The following ANKRD18A variants were observed in gnomAD, a reference collection of about 807,000 sequenced individuals.
ANKRD18A encodes ankyrin repeat domain-containing protein 18A.
ANKRD18A carries 72 observed loss-of-function variants against 110.6 expected under a neutral mutation model. That is an observed-to-expected ratio of 0.65 (90% CI 0.54 to 0.79). The LOEUF (loss-of-function observed/expected upper bound fraction) is 0.79. Among genes scored for constraint, ANKRD18A ranks in the 30% least tolerant of loss-of-function variants. The pLI is 0.00. For missense variants in ANKRD18A, 934 were observed against 1,163.3 expected (o/e 0.80, Z 2.87); for synonymous variants, 305 against 410.3 (o/e 0.74, Z 3.10).
At chr9:38,582,213 C>T (rs909085172) in intron 12 of ANKRD18A, among the ~76,000 whole-genome samples, 37 of 152,100 alleles carry the variant, frequency 2.4e-4, no homozygotes, top group African/African-American at 8.2e-4. Flanking sequence ...TCAGCAGATA[C>T]TGCGACCAAA....
downstream of ANKRD18A, chr9:38,568,706 G>A: frequency 1.0e-6 from 1 of 982,510 alleles, no homozygotes; most frequent in South Asian, 4.7e-5. Context: ...ACCCTGCTCT[G>A]AGTGAGCTTG....
intron 12 of ANKRD18A, among the ~76,000 whole-genome samples, chr9:38,578,864 T>C (rs1346635543): frequency 3.9e-5 from 6 of 152,190 alleles, no homozygotes; most frequent in Admixed American, 2.6e-4. Context: ...TCCTGGACGA[T>C]AGACAAAGAC....
At chr9:38,604,525 A>G (rs965170450) in intron 6 of ANKRD18A, among the ~76,000 whole-genome samples, 5 of 146,588 alleles carry the variant, frequency 3.4e-5, no homozygotes, top group African/African-American at 7.7e-5. Context: ...ATATCACTGG[A>G]CAACCAAAAC....
chr9:38,585,110 C>T (rs1824325361), intron 12 of ANKRD18A, among the ~76,000 whole-genome samples: 1 of 152,112 alleles, frequency 6.6e-6, no homozygotes, highest in Non-Finnish European at 1.5e-5. Context: ...AGCCCAATCT[C>T]TCCCCTTCTA....
intron 7 of ANKRD18A, among the ~76,000 whole-genome samples, chr9:38,602,552 G>C (rs1825165263): frequency 6.6e-6 from 1 of 152,182 alleles, no homozygotes; most frequent in South Asian, 2.1e-4. Context: ...GTTTCTGAAA[G>C]CCTTATATAA....
chr9:38,587,709 G>T (rs1023172964), intron 11 of ANKRD18A, among the ~76,000 whole-genome samples: 1 of 152,154 alleles, frequency 6.6e-6, no homozygotes, highest in Admixed American at 6.5e-5. Flanking sequence ...ACCAAATACA[G>T]CAAAAATATC....
At position 38,575,619 on chromosome 9, in the gene ANKRD18A, G is replaced by A; in HGVS notation, c.2821C>T (p.Pro941Ser). The A allele has an allele frequency of 1.3e-6, 2 of 1,551,696 alleles. No homozygotes were observed. The highest frequency in any genetic ancestry group is 2.4e-5 in the East Asian group (1 of 40,898). ...QRMKYFLSTL[P>S]TRPEPELPCV... The stretch of plus-strand genomic sequence containing the variant: ...GGTAACTCTGGTTCTGGCCTTGTAG[G>A]AAGAGTGCTGAGAAAATATTTCATC... The change falls in exon 15 of 16, where the codon CCT becomes TCT. Residue 941 changes from proline to serine, a missense_variant. Around this residue, in one of 4 missense-constraint regions of ANKRD18A, gnomAD observed 223 missense variants for 226.7 expected, o/e 0.98. Transcript: ENST00000399703.
At chr9:38,581,868 G>T (rs1343316226) in intron 12 of ANKRD18A, among the ~76,000 whole-genome samples, 2 of 152,068 alleles carry the variant, frequency 1.3e-5, no homozygotes, top group African/African-American at 4.8e-5. Context: ...TTCTTGGAAT[G>T]AGTTAAACTT....
At chr9:38,577,399 TTA>T in intron 13 of ANKRD18A, 135 bp from the exon 14 acceptor site, 1 of 849,348 alleles carries the variant, frequency 1.2e-6, no homozygotes, top group Non-Finnish European at 1.8e-6. Flanking sequence ...CTTAAAATAT[TTA>T]TCAGCAATAT....
chr9:38,577,277 A>G lies in ANKRD18A; in HGVS notation c.2530-13T>C, dbSNP rs1337118279. On this transcript the variant is annotated splice_polypyrimidine_tract_variant and intron_variant, in intron 13 of 15. Transcript: ENST00000399703. ...ATTCTGCTTGTTTCTAAAACAAATG[A>G]AAAGAATACACTTTTAAAACAATTA... is the stretch of plus-strand genomic sequence containing the variant. 1.3e-6 allele frequency: 2 copies of G among 1,513,506 alleles called. No homozygotes were observed. The highest frequency in any genetic ancestry group is 1.8e-6 in the Non-Finnish European group (2 of 1,130,562). 93.8% of individuals were successfully genotyped at this position (1,513,506 alleles called of 1,614,324 possible). A position where few individuals can be genotyped will look rare whatever the true frequency, so the allele number is the denominator to read the frequency against.
chr9:38,615,289 G>T (rs1825803015), intron 3 of ANKRD18A, among the ~76,000 whole-genome samples: 1 of 151,998 alleles, frequency 6.6e-6, no homozygotes, highest in African/African-American at 2.4e-5. Flanking sequence ...CCTATTTCCA[G>T]GGTAATTTTT....
intron 15 of ANKRD18A, among the ~76,000 whole-genome samples, chr9:38,573,532 T>C (rs1447014645): frequency 6.6e-6 from 1 of 152,012 alleles, no homozygotes; most frequent in African/African-American, 2.4e-5. Context: ...CTGGCCAACA[T>C]GATGAAACCC....
At chr9:38,604,040 T>C (rs3005825) in intron 6 of ANKRD18A, 72,668 of 152,214 alleles carry the variant, frequency 0.48, 20,088 homozygotes, top group African/African-American at 0.77. Context: ...TGGCTCATCT[T>C]TGTAATCCCA....
In ANKRD18A at chr9:38,620,293, A is replaced by G; in HGVS notation, c.-8T>C. On this transcript the variant is annotated 5_prime_UTR_variant, in exon 1 of 16. Transcript: ENST00000399703. ...GCTGAAGAGCTTCCTCATGGTGGCG[A>G]CTTCTCAGACGCCCACCACCCGCTC... The G allele has an allele frequency of 6.5e-7, 1 of 1,549,488 alleles. No homozygotes were observed. The highest frequency in any genetic ancestry group is 8.7e-7 in the Non-Finnish European group (1 of 1,146,074).
chr9:38,572,178 G>A (rs776683236), intron 15 of ANKRD18A, 119 bp from the exon 16 acceptor site: 27 of 659,844 alleles, frequency 4.1e-5, no homozygotes, highest in Admixed American at 7.8e-5. Flanking sequence ...AAATATGTAC[G>A]TGCAATTACA....
At chr9:38,580,755 C>T (rs1824125636) in intron 12 of ANKRD18A, among the ~76,000 whole-genome samples, 1 of 150,432 alleles carries the variant, frequency 6.6e-6, no homozygotes, top group African/African-American at 2.5e-5. Context: ...CTATATTCAT[C>T]CCATTAAAAG....
At chr9:38,572,149 C>A in intron 15 of ANKRD18A, 90 bp from the exon 16 acceptor site, 2 of 974,274 alleles carry the variant, frequency 2.1e-6, no homozygotes, top group South Asian at 1.6e-5. Flanking sequence ...AGAACGTTAT[C>A]AGAGTTAATA....
chr9:38,592,642 C>T (rs866352440), intron 10 of ANKRD18A, among the ~76,000 whole-genome samples: 1 of 152,024 alleles, frequency 6.6e-6, no homozygotes, highest in Non-Finnish European at 1.5e-5. Flanking sequence ...ATGTTTGCAA[C>T]AGCTGTTTTC....
chr9:38,615,920 T>C lies in ANKRD18A; in HGVS notation c.321+10A>G, dbSNP rs779447382. 2.3e-5 allele frequency: 36 copies of C among 1,546,278 alleles called. No individual in the cohort carries two copies. The highest frequency in any genetic ancestry group is 2.3e-4 in the Admixed American group (11 of 47,512). ...TCCATTTCATGCTGAAAGAGTTGGC[T>C]ACTATATACCTTCATTAAAGGTGTC... On this transcript the variant is annotated intron_variant, in intron 2 of 15. Coordinates refer to ENST00000399703, the MANE Select transcript of ANKRD18A (RefSeq NM_147195.4).
Sources: allele counts gnomAD v4.1 joint callset (sites outside exome capture counted in the v4.1 genomes callset), GRCh38; gene constraint gnomAD v4.1.1; regional missense constraint gnomAD v4.1.1; transcripts MANE v1.5; gene names NCBI Gene and HGNC (gene_info 2026-07-23, HGNC 2026-07-21).